ALKBH1: variants seen among roughly 807,000 people sequenced by gnomAD.
ALKBH1 encodes the protein nucleic acid dioxygenase ALKBH1.
In ALKBH1, 31 loss-of-function variants were observed where a neutral mutation model predicts 36.6. The observed-to-expected ratio is 0.85, with a 90% CI of 0.64 to 1.14. The LOEUF is 1.14. Among genes scored for constraint, ALKBH1 ranks in the 50% most tolerant of loss-of-function variants. ALKBH1 has a pLI of 0.00. For synonymous variants in ALKBH1, 183 were observed against 186.6 expected (o/e 0.98, Z 0.16); for missense variants, 490 against 497.3 (o/e 0.99, Z 0.14).
chr14:77,695,033 T>C (rs1048020734), intron 2 of ALKBH1, 133 bp from the exon 3 acceptor site: 3 of 657,794 alleles, frequency 4.6e-6, no homozygotes, highest in East Asian at 3.3e-5. Flanking sequence ...TTCAAGTTAA[T>C]GAACAGGTAG....
At chr14:77,694,666 G>T in intron 3 of ALKBH1, 72 bp downstream of exon 3, 2 of 1,276,482 alleles carry the variant, frequency 1.6e-6, no homozygotes, top group South Asian at 2.3e-5. Context: ...CATTGTTATA[G>T]AACAGTTCCT....
chr14:77,681,576 G>C (rs911622471), intron 3 of ALKBH1, among the ~76,000 whole-genome samples: 1 of 152,182 alleles, frequency 6.6e-6, no homozygotes, highest in Non-Finnish European at 1.5e-5. Flanking sequence ...CAGATAAAAA[G>C]AAATGAACAC....
rs190765341 is a variant in ALKBH1 at position 77,679,859 on chromosome 14, G to A, written c.546+21C>T. On this transcript the variant is annotated intron_variant, in intron 4 of 5. Coordinates refer to ENST00000216489, the MANE Select transcript of ALKBH1 (RefSeq NM_006020.3). The stretch of plus-strand genomic sequence containing the variant: ...AGAAGCCTATAAACAGAAAACAAAA[G>A]AATTAAGAAAACCTGAATACCTTAC... 1.2e-4 allele frequency: 196 copies of A among 1,595,998 alleles called. 1 individual carries two copies. The highest frequency in any genetic ancestry group is 1.5e-4 in the Non-Finnish European group (180 of 1,164,400).
intron 1 of ALKBH1, among the ~76,000 whole-genome samples, chr14:77,707,231 A>G (rs2080398667): frequency 6.6e-6 from 1 of 152,216 alleles, no homozygotes; most frequent in African/African-American, 2.4e-5. Context: ...GGCTTGAGCC[A>G]CCGCTCCCGG....
intron 3 of ALKBH1, among the ~76,000 whole-genome samples, chr14:77,688,382 A>G (rs528624745): frequency 7.3e-5 from 11 of 151,366 alleles, no homozygotes; most frequent in Middle Eastern, 3.4e-3. Flanking sequence ...CAGCCTCCTG[A>G]GTAGCTAGGA....
chr14:77,679,728 GC>G (rs2080226342), intron 4 of ALKBH1, 151 bp downstream of exon 4: 1 of 604,668 alleles, frequency 1.7e-6, no homozygotes, highest in Admixed American at 3.0e-5. Flanking sequence ...ACGGCACCTG[GC>G]CCAGTTGAGA....
chr14:77,685,668 A>G (rs2139850364), intron 3 of ALKBH1, among the ~76,000 whole-genome samples: 1 of 150,958 alleles, frequency 6.6e-6, no homozygotes, highest in South Asian at 2.1e-4. Flanking sequence ...AGTCCCAGCT[A>G]CTCGGGAGGC....
At chr14:77,698,195 T>C (rs949359084) in intron 2 of ALKBH1, among the ~76,000 whole-genome samples, 1 of 152,104 alleles carries the variant, frequency 6.6e-6, no homozygotes, top group African/African-American at 2.4e-5. Flanking sequence ...AAGACCTAAG[T>C]ATGCTTACAG....
At chr14:77,692,826 T>A (rs1000010125) in intron 3 of ALKBH1, among the ~76,000 whole-genome samples, 1 of 141,164 alleles carries the variant, frequency 7.1e-6, no homozygotes, top group Non-Finnish European at 1.6e-5. Context: ...TTATTTAATT[T>A]ATTTATTTTT....
intron 3 of ALKBH1, among the ~76,000 whole-genome samples, chr14:77,687,065 T>A (rs919196728): frequency 2.6e-5 from 4 of 152,356 alleles, no homozygotes; most frequent in Middle Eastern, 6.8e-3. Flanking sequence ...TTCAGTCTTA[T>A]CTAACCGTCT....
At chr14:77,688,243 ATTT>A (rs10552601) in intron 3 of ALKBH1, among the ~76,000 whole-genome samples, 76 of 133,090 alleles carry the variant, frequency 5.7e-4, no homozygotes, top group Non-Finnish European at 7.3e-4. Context: ...ATTAAACTAA[ATTT>A]TTTTTTTTTT....
chr14:77,698,501 G>C (rs958610423), intron 2 of ALKBH1, among the ~76,000 whole-genome samples: 2 of 152,210 alleles, frequency 1.3e-5, no homozygotes, highest in East Asian at 3.8e-4. Context: ...TGGTTGGACA[G>C]GTCCTGAGGA....
chr14:77,697,739 T>A (rs933745531), intron 2 of ALKBH1, among the ~76,000 whole-genome samples: 7 of 148,104 alleles, frequency 4.7e-5, no homozygotes, highest in Non-Finnish European at 1.0e-4. Context: ...CCGGGCATGG[T>A]GGCCTGGCCG....
At chr14:77,695,644 T>G (rs1238291679) in intron 2 of ALKBH1, among the ~76,000 whole-genome samples, 1 of 152,224 alleles carries the variant, frequency 6.6e-6, no homozygotes, top group Non-Finnish European at 1.5e-5. Flanking sequence ...GGGGTGACAG[T>G]TGCTTCCTGC....
chr14:77,685,444 A>AC (rs2080262589), intron 3 of ALKBH1, among the ~76,000 whole-genome samples: 5 of 145,530 alleles, frequency 3.4e-5, no homozygotes, highest in Admixed American at 6.8e-5. Flanking sequence ...CTTAAAAAAA[A>AC]ACACAAAAAA....
rs141005799 is a variant in ALKBH1, at chr14:77,687,877, C to T, written c.455+6861G>A. On this transcript the variant is annotated intron_variant, in intron 3 of 5. Transcript: ENST00000216489. Reference sequence around the variant, plus strand: ...GAAAGAAAACCACATCTATTTTCAGCGCTTTACTATGGCCTTTACGTGTAA... The same window carrying T: ...GAAAGAAAACCACATCTATTTTCAGTGCTTTACTATGGCCTTTACGTGTAA... 5.3e-3 allele frequency among the ~76,000 whole-genome samples: 773 copies of T among 147,100 alleles called. 5 individuals carry two copies. The highest frequency in any genetic ancestry group is 7.2e-3 in the Non-Finnish European group (486 of 67,862).
chr14:77,696,085 C>CT (rs2080325285), intron 2 of ALKBH1, among the ~76,000 whole-genome samples: 1 of 152,192 alleles, frequency 6.6e-6, no homozygotes, highest in Admixed American at 6.5e-5. Flanking sequence ...GAGCCAGACT[C>CT]TGTCTCAAAA....
At chr14:77,687,296 C>T (rs546299029) in intron 3 of ALKBH1, among the ~76,000 whole-genome samples, 148 of 152,274 alleles carry the variant, frequency 9.7e-4, no homozygotes, top group Non-Finnish European at 1.3e-3. Flanking sequence ...ATACTATATC[C>T]TATTTCCCTG....
At chr14:77,675,988 C>T (rs2080203458) in intron 4 of ALKBH1, 139 bp from the exon 5 acceptor site, 4 of 697,722 alleles carry the variant, frequency 5.7e-6, no homozygotes, top group African/African-American at 1.9e-5. Context: ...TCTATCCATT[C>T]TTTTCTTTTC....
Sources: allele counts gnomAD v4.1 joint callset (sites outside exome capture counted in the v4.1 genomes callset), GRCh38; gene constraint gnomAD v4.1.1; transcripts MANE v1.5; gene names NCBI Gene and HGNC (gene_info 2026-07-23, HGNC 2026-07-21).